The following CTNNBL1 variants were observed in gnomAD, a reference collection of about 807,000 sequenced individuals.
CTNNBL1 encodes catenin beta like 1.
Under a neutral mutation model 72.7 loss-of-function variants are expected in CTNNBL1, and 31 were observed. The ratio of observed to expected loss-of-function variants is 0.43; its 90% CI spans 0.32 to 0.58. The LOEUF is 0.58. Ranked by LOEUF, CTNNBL1 falls within the 20% of genes least tolerant of loss-of-function variation. The pLI is 0.08. For missense variants in CTNNBL1, 534 were observed against 725.1 expected (o/e 0.74, Z 3.03); for synonymous variants, 240 against 267.3 (o/e 0.90, Z 1.00).
intron 11 of CTNNBL1, among the ~76,000 whole-genome samples, chr20:37,829,434 C>T (rs940302311): frequency 1.3e-5 from 2 of 152,146 alleles, no homozygotes; most frequent in Non-Finnish European, 2.9e-5. Context: ...GCCGAGTGGG[C>T]AGAGCGACCA....
At chr20:37,784,465 G>A (rs2073654518) in intron 10 of CTNNBL1, among the ~76,000 whole-genome samples, 1 of 152,052 alleles carries the variant, frequency 6.6e-6, no homozygotes. Flanking sequence ...GTATGTTTTA[G>A]TTTCTTGCAT....
At chr20:37,759,068 C>T (rs1275895908) in intron 5 of CTNNBL1, among the ~76,000 whole-genome samples, 1 of 152,182 alleles carries the variant, frequency 6.6e-6, no homozygotes, top group Non-Finnish European at 1.5e-5. Context: ...GGCTAGTGTC[C>T]AGCAGGGCCA....
At chr20:37,859,088 G>A (rs1274028768) in intron 13 of CTNNBL1, among the ~76,000 whole-genome samples, 2 of 152,086 alleles carry the variant, frequency 1.3e-5, no homozygotes, top group Non-Finnish European at 2.9e-5. Context: ...TTGAAAATGC[G>A]TGGCTGCCAG....
chr20:37,736,293 A>T (rs958708496), intron 2 of CTNNBL1, among the ~76,000 whole-genome samples: 165 of 152,294 alleles, frequency 1.1e-3, no homozygotes, highest in African/African-American at 3.8e-3. Context: ...CTGTGGAAAA[A>T]CAGGCAGTAG....
At chr20:37,713,835 A>C (rs114881231) in intron 1 of CTNNBL1, among the ~76,000 whole-genome samples, 1,833 of 152,302 alleles carry the variant, frequency 0.012, 41 homozygotes, top group African/African-American at 0.042. Flanking sequence ...GAACAAAACA[A>C]AGGGCTGAGG....
chr20:37,734,566 C>T (rs993770575), intron 2 of CTNNBL1, among the ~76,000 whole-genome samples: 4 of 152,124 alleles, frequency 2.6e-5, no homozygotes, highest in African/African-American at 4.8e-5. Context: ...GGGACCAACC[C>T]GTCTGTTAAG....
rs539003408 is a variant in CTNNBL1, at chr20:37,782,912, T to G, written c.1031+3577T>G. On this transcript the variant is annotated intron_variant, in intron 10 of 15. Transcript: ENST00000361383. ...CAGTATCAATTTTTAAATTTTAAAC[T>G]TAAATTTATTTAAATTATATTTAAA... Among the ~76,000 whole-genome samples, 117 of 152,274 alleles carry G rather than the reference T, an allele frequency of 7.7e-4. No individual in the cohort carries two copies. The Middle Eastern group carries it at 0.01, about 13-fold the overall frequency.
At chr20:37,844,552 A>T (rs1038583552) in intron 13 of CTNNBL1, among the ~76,000 whole-genome samples, 1 of 152,160 alleles carries the variant, frequency 6.6e-6, no homozygotes, top group Non-Finnish European at 1.5e-5. Context: ...TAGCTCTGAG[A>T]TTTTGGATAA....
intron 1 of CTNNBL1, among the ~76,000 whole-genome samples, chr20:37,704,418 TCTTAAAA>T (rs1301135846): frequency 6.6e-6 from 1 of 152,050 alleles, no homozygotes; most frequent in African/African-American, 2.4e-5. Flanking sequence ...TAGTTTAGAC[TCTTAAAA>T]CTTTGTTGAC....
intron 3 of CTNNBL1, among the ~76,000 whole-genome samples, chr20:37,742,197 A>T (rs569777239): frequency 7.2e-5 from 11 of 152,324 alleles, no homozygotes; most frequent in African/African-American, 2.6e-4. Context: ...CTCCTAAAAG[A>T]TGGTTCCTTG....
intron 13 of CTNNBL1, among the ~76,000 whole-genome samples, chr20:37,859,357 C>CAA (rs1213162547): frequency 4.5e-5 from 5 of 110,550 alleles, no homozygotes; most frequent in African/African-American, 9.9e-5. Flanking sequence ...AACTCCATCT[C>CAA]AAAAAAAAAA....
Position 37,842,391 on chromosome 20 carries a change from C to T in CTNNBL1, c.1364C>T (p.Ala455Val), listed in dbSNP as rs141470801. Reference sequence around the variant, plus strand: ...AAATATCTGGGTGCAATGCAGGTGGCGGACAAGAAGATTGAAGGGGAAAAA... The same window carrying T: ...AAATATCTGGGTGCAATGCAGGTGGTGGACAAGAAGATTGAAGGGGAAAAA... ...HFKYLGAMQV[A>V]DKKIEGEKHD... The change falls in exon 13 of 16, where the codon GCG (alanine) becomes GTG (valine). Residue 455 changes from alanine to valine, a missense_variant. Ala to Val is a moderately conservative substitution (Grantham distance 64). Transcript: ENST00000361383. 1.5e-4 allele frequency: 241 copies of T among 1,613,528 alleles called. No homozygotes were observed. The African/African-American group carries it at 2.7e-3, about 18-fold the overall frequency.
chr20:37,744,869 G>A (rs915399985), intron 3 of CTNNBL1, among the ~76,000 whole-genome samples: 8 of 152,168 alleles, frequency 5.3e-5, no homozygotes, highest in Admixed American at 4.6e-4. Context: ...AAACATACAG[G>A]CAAACATACA....
At chr20:37,854,780 G>A (rs917111907) in intron 13 of CTNNBL1, among the ~76,000 whole-genome samples, 4 of 151,770 alleles carry the variant, frequency 2.6e-5, no homozygotes, top group African/African-American at 7.3e-5. Context: ...GTAGAAACAG[G>A]GTTTCGCCAT....
intron 1 of CTNNBL1, among the ~76,000 whole-genome samples, chr20:37,703,815 G>A (rs886065939): frequency 2.0e-4 from 29 of 142,080 alleles, no homozygotes; most frequent in African/African-American, 7.7e-4. Context: ...ACAGAGTTTT[G>A]CTCTTGTTGC....
intron 1 of CTNNBL1, among the ~76,000 whole-genome samples, chr20:37,708,748 T>G (rs935804503): frequency 2.0e-5 from 3 of 152,180 alleles, no homozygotes; most frequent in Non-Finnish European, 4.4e-5. Context: ...TAACTCACTT[T>G]GGATTATCAG....
intron 13 of CTNNBL1, among the ~76,000 whole-genome samples, chr20:37,857,274 T>G (rs982115715): frequency 6.6e-6 from 1 of 152,348 alleles, no homozygotes; most frequent in East Asian, 1.9e-4. Flanking sequence ...ATTACCAGAT[T>G]ACCAATGAAT....
intron 10 of CTNNBL1, among the ~76,000 whole-genome samples, chr20:37,795,100 T>C (rs2073760894): frequency 6.6e-6 from 1 of 152,086 alleles, no homozygotes; most frequent in South Asian, 2.1e-4. Context: ...TCTGGGTTTA[T>C]AGTTTTCATC....
intron 1 of CTNNBL1, among the ~76,000 whole-genome samples, chr20:37,716,071 T>C (rs2072984006): frequency 6.6e-6 from 1 of 152,308 alleles, no homozygotes; most frequent in East Asian, 1.9e-4. Context: ...AAAAAAACTT[T>C]AAATAGGGGA....
Sources: gnomAD v4.1 joint callset for allele counts (sites outside exome capture counted in the v4.1 genomes callset) on GRCh38, gnomAD v4.1.1 for gene constraint, MANE v1.5 for transcripts, NCBI Gene and HGNC (gene_info 2026-07-23, HGNC 2026-07-21) for gene names.